The following MYO1E variants were observed in gnomAD, a reference collection of about 807,000 sequenced individuals.
MYO1E encodes myosin IE.
Under a neutral mutation model 151.1 loss-of-function variants are expected in MYO1E, and 68 were observed. That is an observed-to-expected ratio of 0.45 (90% confidence interval 0.37 to 0.55). The LOEUF (loss-of-function observed/expected upper bound fraction) is 0.55, where lower values mean the gene tolerates loss of function less well. Among genes scored for constraint, MYO1E ranks in the 20% least tolerant of loss-of-function variants. MYO1E has a pLI of 0.00. For synonymous variants in MYO1E, 601 were observed against 501.7 expected (o/e 1.20, Z -2.64); for missense variants, 1,363 against 1,389.3 (o/e 0.98, Z 0.30).
At chr15:59,318,917 T>C (rs2080606665) in intron 1 of MYO1E, among the ~76,000 whole-genome samples, 1 of 152,228 alleles carries the variant, frequency 6.6e-6, no homozygotes, top group African/African-American at 2.4e-5. Context: ...CTGGGCATTT[T>C]AAGCCTCAGA....
chr15:59,186,958 G>A (rs920524162), intron 18 of MYO1E, among the ~76,000 whole-genome samples: 12 of 152,172 alleles, frequency 7.9e-5, no homozygotes, highest in African/African-American at 2.9e-4. Context: ...CCAAATACAT[G>A]TTAAGGGATA....
chr15:59,171,416 C>T (rs1458273907), intron 22 of MYO1E, among the ~76,000 whole-genome samples: 1 of 152,134 alleles, frequency 6.6e-6, no homozygotes, highest in Non-Finnish European at 1.5e-5. Flanking sequence ...GAGAGCATCT[C>T]ACGATGACTC....
intron 1 of MYO1E, among the ~76,000 whole-genome samples, chr15:59,358,112 T>G (rs1266973191): frequency 6.6e-6 from 1 of 152,304 alleles, no homozygotes; most frequent in Admixed American, 6.5e-5. Flanking sequence ...GGATGATGTC[T>G]CCTTGTCTCC....
chr15:59,280,006 G>A (rs149364033), intron 1 of MYO1E, among the ~76,000 whole-genome samples: 36 of 152,316 alleles, frequency 2.4e-4, no homozygotes, highest in African/African-American at 6.5e-4. Flanking sequence ...GATAATGGAT[G>A]TGAAAGTCTT....
intron 1 of MYO1E, among the ~76,000 whole-genome samples, chr15:59,311,625 G>T (rs1424386754): frequency 6.6e-6 from 1 of 152,086 alleles, no homozygotes; most frequent in Non-Finnish European, 1.5e-5. Context: ...GGTATCTCTG[G>T]CACTATATAT....
At chr15:59,279,711 G>A (rs1401484380) in intron 1 of MYO1E, among the ~76,000 whole-genome samples, 2 of 152,188 alleles carry the variant, frequency 1.3e-5, no homozygotes, top group South Asian at 4.1e-4. Context: ...TCCAGTGCAT[G>A]GAAGGTGCAC....
intron 1 of MYO1E, among the ~76,000 whole-genome samples, chr15:59,340,824 C>T (rs539855593): frequency 1.3e-5 from 2 of 151,674 alleles, no homozygotes; most frequent in Non-Finnish European, 2.9e-5. Context: ...CAGTTCAAGA[C>T]CAGCCTGGCC....
chr15:59,290,003 C>G (rs185672471), intron 1 of MYO1E, among the ~76,000 whole-genome samples: 16 of 152,382 alleles, frequency 1.0e-4, no homozygotes, highest in Admixed American at 6.5e-4. Flanking sequence ...ACGGGCATCA[C>G]TTTTCTTGAG....
intron 1 of MYO1E, among the ~76,000 whole-genome samples, chr15:59,284,443 A>ATTTTAT (rs1258980671): frequency 2.0e-5 from 3 of 151,862 alleles, no homozygotes; most frequent in African/African-American, 7.3e-5. Context: ...GATGATTACT[A>ATTTTAT]TTTTATTTTT....
intron 6 of MYO1E, among the ~76,000 whole-genome samples, chr15:59,227,814 T>C (rs1316059408): frequency 6.6e-6 from 1 of 152,212 alleles, no homozygotes; most frequent in Non-Finnish European, 1.5e-5. Context: ...CATTCCAGCA[T>C]GACTAAATAA....
intron 16 of MYO1E, among the ~76,000 whole-genome samples, chr15:59,201,764 T>C (rs1211588774): frequency 6.6e-6 from 1 of 152,190 alleles, no homozygotes; most frequent in Non-Finnish European, 1.5e-5. Context: ...ATGGCTCAGG[T>C]ACCACAGAAC....
At chr15:59,183,426 C>T (rs1284361672) in intron 18 of MYO1E, among the ~76,000 whole-genome samples, 2 of 151,730 alleles carry the variant, frequency 1.3e-5, no homozygotes, top group Admixed American at 6.6e-5. Context: ...CCTTGACCTC[C>T]TGGGCTCGAG....
At chr15:59,275,191 A>G (rs1345774542) in intron 1 of MYO1E, among the ~76,000 whole-genome samples, 1 of 152,284 alleles carries the variant, frequency 6.6e-6, no homozygotes, top group East Asian at 1.9e-4. Flanking sequence ...GACTTATTGG[A>G]TATTTCTACC....
intron 1 of MYO1E, among the ~76,000 whole-genome samples, chr15:59,281,919 G>C (rs1306562953): frequency 6.6e-6 from 1 of 150,540 alleles, no homozygotes; most frequent in Non-Finnish European, 1.5e-5. Context: ...AGCTATGATT[G>C]CACCACTGCA....
At chr15:59,153,543 T>C (rs774891652) in intron 26 of MYO1E, 47 bp downstream of exon 26, 1 of 1,583,100 alleles carries the variant, frequency 6.3e-7, no homozygotes, top group South Asian at 1.1e-5. Context: ...TTTTGAATGA[T>C]GGAGATGGAG....
intron 1 of MYO1E, among the ~76,000 whole-genome samples, chr15:59,356,960 C>T (rs28406496): frequency 0.055 from 8,212 of 148,968 alleles, 665 homozygotes; most frequent in African/African-American, 0.17. Flanking sequence ...GGCTGGAGTG[C>T]AATGGCACGA....
At chr15:59,161,261 G>C in intron 23 of MYO1E, 31 bp from the exon 24 acceptor site, 1 of 1,609,954 alleles carries the variant, frequency 6.2e-7, no homozygotes. Context: ...TTAACAGGTC[G>C]AAGGACGCAG....
intron 1 of MYO1E, among the ~76,000 whole-genome samples, chr15:59,279,615 G>A (rs141798095): frequency 1.6e-4 from 25 of 152,208 alleles, no homozygotes; most frequent in South Asian, 1.2e-3. Context: ...ACTCCCCCCT[G>A]GGCCACTGGG....
chr15:59,337,758 G>C (rs1014163499), intron 1 of MYO1E, among the ~76,000 whole-genome samples: 1 of 152,192 alleles, frequency 6.6e-6, no homozygotes, highest in Non-Finnish European at 1.5e-5. Context: ...CTTGAACCCA[G>C]GAGGTGGAGG....
Sources: gnomAD v4.1 joint callset for allele counts (sites outside exome capture counted in the v4.1 genomes callset) on GRCh38, gnomAD v4.1.1 for gene constraint, MANE v1.5 for transcripts, NCBI Gene and HGNC (gene_info 2026-07-23, HGNC 2026-07-21) for gene names.